PLCB1: variants seen among roughly 807,000 people sequenced by gnomAD.
PLCB1 encodes the protein 1-phosphatidylinositol 4,5-bisphosphate phosphodiesterase beta-1.
In PLCB1, 46 loss-of-function variants were observed where a neutral mutation model predicts 161.8. The observed-to-expected ratio is 0.28, with a 90% CI of 0.22 to 0.36. The LOEUF (loss-of-function observed/expected upper bound fraction) is 0.36. Among genes scored for constraint, PLCB1 ranks in the 10% least tolerant of loss-of-function variants. The pLI, the probability that PLCB1 is intolerant of heterozygous loss-of-function variation, is 1.00. For missense variants in PLCB1, 1,016 were observed against 1,472.5 expected (o/e 0.69, Z 5.07); for synonymous variants, 517 against 503.7 (o/e 1.03, Z -0.35).
chr20:8,682,681 T>A (rs1198915538), intron 9 of PLCB1, among the ~76,000 whole-genome samples: 4 of 152,194 alleles, frequency 2.6e-5, no homozygotes, highest in Non-Finnish European at 4.4e-5. Flanking sequence ...TAAATAATGT[T>A]TAAATCAGTA....
intron 23 of PLCB1, among the ~76,000 whole-genome samples, chr20:8,753,847 C>G (rs1269839221): frequency 2.6e-5 from 4 of 152,216 alleles, no homozygotes; most frequent in Admixed American, 1.3e-4. Context: ...TACAGGCTGT[C>G]TCTCTCCTGC....
chr20:8,509,782 A>C (rs909290547), intron 3 of PLCB1, among the ~76,000 whole-genome samples: 7 of 143,588 alleles, frequency 4.9e-5, no homozygotes, highest in African/African-American at 1.0e-4. Context: ...AGATAGATAG[A>C]TAGCATGAAG....
At chr20:8,808,399 C>T (rs1308241116) in intron 31 of PLCB1, among the ~76,000 whole-genome samples, 1 of 152,098 alleles carries the variant, frequency 6.6e-6, no homozygotes, top group Non-Finnish European at 1.5e-5. Flanking sequence ...TCTTCCTTTT[C>T]TTATAAGGAC....
At chr20:8,803,919 G>A (rs569873226) in intron 31 of PLCB1, among the ~76,000 whole-genome samples, 178 of 151,996 alleles carry the variant, frequency 1.2e-3, no homozygotes, top group African/African-American at 4.2e-3. Context: ...TCAGCCTCCC[G>A]AGTAGCTGGG....
rs936413557 is a variant in PLCB1 at position 8,510,588 on chromosome 20, G to A, written c.247-117706G>A. ...GTATTTTTAGTAGAGGCGAGGTTTC[G>A]CCATGTTGGCCAGGCTGGTTTCCAA... is the stretch of plus-strand genomic sequence containing the variant. On this transcript the variant is annotated intron_variant, in intron 3 of 31. Transcript: ENST00000338037. Among the ~76,000 whole-genome samples the A allele has an allele frequency of 1.3e-4, 20 of 151,756 alleles. No individual in the cohort carries two copies. The South Asian group carries it at 3.1e-3, about 24-fold the overall frequency.
chr20:8,387,721 A>G (rs142877116), intron 3 of PLCB1, among the ~76,000 whole-genome samples: 120 of 152,312 alleles, frequency 7.9e-4, no homozygotes, highest in Non-Finnish European at 1.4e-3. Flanking sequence ...GCAAAGTGCA[A>G]TAAAATGAGG....
intron 3 of PLCB1, among the ~76,000 whole-genome samples, chr20:8,439,840 A>C (rs1980476704): frequency 6.6e-6 from 1 of 151,880 alleles, no homozygotes; most frequent in African/African-American, 2.4e-5. Flanking sequence ...CCGTGCACCA[A>C]AGTTCTTAAA....
At chr20:8,265,117 A>G (rs1194829964) in intron 2 of PLCB1, among the ~76,000 whole-genome samples, 1 of 152,204 alleles carries the variant, frequency 6.6e-6, no homozygotes, top group Non-Finnish European at 1.5e-5. Context: ...CATCAGTTTT[A>G]GTGGCAGGTA....
At chr20:8,577,453 AAAAG>A (rs1276803071) in intron 3 of PLCB1, among the ~76,000 whole-genome samples, 2 of 151,796 alleles carry the variant, frequency 1.3e-5, no homozygotes, top group Non-Finnish European at 2.9e-5. Flanking sequence ...AAAAAAAAAA[AAAAG>A]AATCTTGAAA....
intron 23 of PLCB1, among the ~76,000 whole-genome samples, chr20:8,749,173 G>A (rs60955265): frequency 0.027 from 4,079 of 152,226 alleles, 159 homozygotes; most frequent in African/African-American, 0.086. Flanking sequence ...GATGGGTGTC[G>A]TAGCCAAAGT....
intron 3 of PLCB1, among the ~76,000 whole-genome samples, chr20:8,516,570 TGCTA>T (rs1984124487): frequency 6.6e-6 from 1 of 151,158 alleles, no homozygotes; most frequent in Non-Finnish European, 1.5e-5. Flanking sequence ...TTTCATAACA[TGCTA>T]AATAGCCACA....
intron 3 of PLCB1, among the ~76,000 whole-genome samples, chr20:8,405,137 G>T (rs1243653691): frequency 6.6e-6 from 1 of 152,156 alleles, no homozygotes; most frequent in Non-Finnish European, 1.5e-5. Flanking sequence ...TAATGAGTTT[G>T]CAGGTCAGCT....
At chr20:8,570,617 G>GAAATCCCAGTGA (rs1165114349) in intron 3 of PLCB1, among the ~76,000 whole-genome samples, 2 of 86,576 alleles carry the variant, frequency 2.3e-5, no homozygotes, top group East Asian at 2.6e-4. Flanking sequence ...TCACGCAGCT[G>GAAATCCCAGTGA]ACACCTACTT....
At chr20:8,308,213 T>C (rs1984224901) in intron 2 of PLCB1, among the ~76,000 whole-genome samples, 1 of 152,038 alleles carries the variant, frequency 6.6e-6, no homozygotes, top group Non-Finnish European at 1.5e-5. Context: ...TACTTGCCCT[T>C]AATTTATTAT....
intron 14 of PLCB1, among the ~76,000 whole-genome samples, chr20:8,719,038 A>G (rs1224680608): frequency 6.6e-6 from 1 of 152,180 alleles, no homozygotes; most frequent in Non-Finnish European, 1.5e-5. Context: ...TTGATGAGAA[A>G]AGAATTCAGT....
chr20:8,833,958 T>C (rs961210029), intron 31 of PLCB1, among the ~76,000 whole-genome samples: 1 of 152,146 alleles, frequency 6.6e-6, no homozygotes, highest in Non-Finnish European at 1.5e-5. Flanking sequence ...TCTTGTGGGT[T>C]GTATGTGTGA....
chr20:8,345,124 C>T (rs2122235575), intron 2 of PLCB1, among the ~76,000 whole-genome samples: 1 of 152,300 alleles, frequency 6.6e-6, no homozygotes, highest in Admixed American at 6.5e-5. Flanking sequence ...AAAGTTGGCT[C>T]TTCTTTCACT....
intron 3 of PLCB1, among the ~76,000 whole-genome samples, chr20:8,562,354 G>A (rs1021370654): frequency 9.2e-5 from 14 of 152,058 alleles, no homozygotes; most frequent in South Asian, 2.1e-4. Flanking sequence ...ATGTTTGGTC[G>A]TGGTTAAGAG....
Position 8,416,690 on chromosome 20 carries a change from A to T in PLCB1, c.246+45240A>T, listed in dbSNP as rs115611818. Among the ~76,000 whole-genome samples, 1,307 of 152,092 alleles carry T rather than the reference A, an allele frequency of 8.6e-3. 23 individuals carry two copies. The highest frequency in any genetic ancestry group is 0.029 in the African/African-American group (1,215 of 41,486). ...ATGGGATTTAACATGTATAGTAATG[A>T]CCTGCTTGGAGATGGAAGGATTTGA... On this transcript the variant is annotated intron_variant, in intron 3 of 31. Coordinates refer to ENST00000338037, the MANE Select transcript of PLCB1 (RefSeq NM_015192.4).
Sources: gnomAD v4.1 joint callset for allele counts (sites outside exome capture counted in the v4.1 genomes callset) on GRCh38, gnomAD v4.1.1 for gene constraint, MANE v1.5 for transcripts, NCBI Gene and HGNC (gene_info 2026-07-23, HGNC 2026-07-21) for gene names.